MID1: variants seen among roughly 807,000 people sequenced by gnomAD.
The protein encoded by MID1 is E3 ubiquitin-protein ligase Midline-1.
A neutral mutation model predicts 40.4 loss-of-function variants in MID1; 7 were observed. The observed-to-expected ratio is 0.17, with a 90% confidence interval of 0.10 to 0.33. The LOEUF (loss-of-function observed/expected upper bound fraction) is 0.33, where lower values mean the gene tolerates loss of function less well. Ranked by LOEUF, MID1 falls within the 10% of genes least tolerant of loss-of-function variation. The probability of loss-of-function intolerance (pLI) is 1.00; values close to 1 mark genes in which losing one functional copy is unlikely to be tolerated. For missense variants in MID1, 367 were observed against 558.5 expected, an observed-to-expected ratio of 0.66 and a Z score of 3.46; for synonymous variants, 229 against 221.2, an observed-to-expected ratio of 1.04 and a Z score of -0.31.
intron 3 of MID1, chrX:10,501,572 A>G: frequency 8.8e-7 from 1 of 1,132,288 alleles, no homozygotes; most frequent in Non-Finnish European, 1.2e-6. Flanking sequence ...GATGAAAGAG[A>G]TATTACAAAA....
intron 1 of MID1, among the ~76,000 whole-genome samples, chrX:10,738,756 C>T (rs765087931): frequency 1.8e-5 from 2 of 110,555 alleles, no homozygotes; most frequent in East Asian, 5.7e-4. Flanking sequence ...TATTTGTTTA[C>T]CTGAAACACA....
intron 2 of MID1, chrX:10,565,139 C>T (rs1178888742): frequency 3.0e-6 from 1 of 331,123 alleles, no homozygotes; most frequent in East Asian, 9.7e-5. Context: ...GTACTTTTCT[C>T]CTGTGCTGCC....
chrX:10,823,330 G>T (rs990625268), intron 1 of MID1, among the ~76,000 whole-genome samples: 2 of 108,945 alleles, frequency 1.8e-5, no homozygotes, highest in Admixed American at 1.9e-4. Context: ...TTGGGGAGGT[G>T]GGGGGATGGA....
intron 1 of MID1, among the ~76,000 whole-genome samples, chrX:10,659,571 TATC>T (rs1169136383): frequency 8.9e-6 from 1 of 112,127 alleles, no homozygotes; most frequent in Non-Finnish European, 1.9e-5. Context: ...TGTTATCACT[TATC>T]ATTAAAATTA....
intron 7 of MID1, 157 bp downstream of exon 7, chrX:10,469,540 C>A (rs755971177): frequency 1.7e-6 from 2 of 1,194,550 alleles, no homozygotes; most frequent in African/African-American, 3.5e-5. Context: ...TAATGTAGTA[C>A]AAGTGAGTGC....
At chrX:10,804,546 C>A (rs1488895066) in intron 1 of MID1, among the ~76,000 whole-genome samples, 1 of 111,434 alleles carries the variant, frequency 9.0e-6, no homozygotes, top group Non-Finnish European at 1.9e-5. Context: ...CCTAGAAACT[C>A]CTTCTTAAAT....
chrX:10,455,195 G>A (rs1385778238), intron 8 of MID1, 118 bp from the exon 9 acceptor site: 7 of 571,060 alleles, frequency 1.2e-5, no homozygotes, highest in Non-Finnish European at 2.1e-5. Flanking sequence ...AGCCCTCCCT[G>A]AGTCATGCCT....
intron 8 of MID1, among the ~76,000 whole-genome samples, chrX:10,457,934 G>C (rs1490401977): frequency 2.7e-5 from 3 of 112,860 alleles, no homozygotes; most frequent in African/African-American, 9.6e-5. Flanking sequence ...TCAAGGTTGT[G>C]CTGGGGCACC....
chrX:10,803,146 C>G (rs1053434509), intron 1 of MID1, among the ~76,000 whole-genome samples: 1 of 109,735 alleles, frequency 9.1e-6, no homozygotes, highest in South Asian at 4.0e-4. Context: ...ACCCATGCAA[C>G]GAACCTGCAC....
chrX:10,729,473 C>A (rs1304852509), intron 1 of MID1, among the ~76,000 whole-genome samples: 6 of 111,578 alleles, frequency 5.4e-5, no homozygotes, highest in Admixed American at 2.9e-4. Context: ...CTATGACTTT[C>A]TGAAAAGGAA....
chrX:10,755,202 C>T (rs2043625042), intron 1 of MID1, among the ~76,000 whole-genome samples: 1 of 111,655 alleles, frequency 9.0e-6, no homozygotes, highest in Non-Finnish European at 1.9e-5. Context: ...AAATATGTCC[C>T]CTGTTAAGAC....
chrX:10,521,095 G>C (rs1488676564), intron 3 of MID1, among the ~76,000 whole-genome samples: 4 of 92,708 alleles, frequency 4.3e-5, no homozygotes, highest in African/African-American at 1.6e-4. Flanking sequence ...GGCGAAATTA[G>C]GAGCAAGAGA....
chrX:10,540,554 A>G (rs1490111680), intron 2 of MID1, among the ~76,000 whole-genome samples: 3 of 111,753 alleles, frequency 2.7e-5, no homozygotes, highest in African/African-American at 6.5e-5. Flanking sequence ...GTGGAGTCAC[A>G]GATCACAAAG....
At chrX:10,787,688 G>C (rs1432966416) in intron 1 of MID1, among the ~76,000 whole-genome samples, 1 of 102,682 alleles carries the variant, frequency 9.7e-6, no homozygotes, top group Non-Finnish European at 2.0e-5. Flanking sequence ...TGGGATTACA[G>C]GTCTGAGCCA....
chrX:10,696,115 C>A (rs756912530), intron 1 of MID1, among the ~76,000 whole-genome samples: 17 of 111,398 alleles, frequency 1.5e-4, no homozygotes, highest in African/African-American at 5.2e-4. Context: ...TGGTCATCAG[C>A]AGCTTCCTGA....
At chrX:10,680,586 T>C (rs1006462607) in intron 1 of MID1, among the ~76,000 whole-genome samples, 1 of 111,826 alleles carries the variant, frequency 8.9e-6, no homozygotes, top group Middle Eastern at 4.2e-3. Context: ...TAGTGATTGA[T>C]TTTGCCATAG....
In MID1 at chrX:10,523,154, T is replaced by G; in HGVS notation, c.694A>C (p.Lys232Gln). ...AGGGTCTCCAGTTCTGTGTTCCTCT[T>G]AATAAGGTTGGTGAGGTTACTCTCT... The part of the protein sequence containing the change: ...NLESNLTNLI[K>Q]RNTELETLLA... Residue 232 changes from lysine to glutamine, a missense_variant, in exon 3 of 10, where the codon AAG becomes CAG. Physicochemically the swap from Lys to Gln is moderately conservative, Grantham distance 53 (BLOSUM62 1). Around this residue, in one of 3 missense-constraint regions of MID1, gnomAD observed 275 missense variants for 383.1 expected, o/e 0.72. Transcript: ENST00000317552. 1 of 1,193,579 alleles carries G rather than the reference T, an allele frequency of 8.4e-7. No homozygotes were observed. The highest frequency in any genetic ancestry group is 1.1e-6 in the Non-Finnish European group (1 of 886,749).
At chrX:10,776,935 T>A (rs910763689) in intron 1 of MID1, among the ~76,000 whole-genome samples, 8 of 112,235 alleles carry the variant, frequency 7.1e-5, no homozygotes, top group African/African-American at 2.3e-4. Context: ...GCAGCTACTA[T>A]CTGCCATGTA....
intron 1 of MID1, among the ~76,000 whole-genome samples, chrX:10,698,245 A>C (rs1356821437): frequency 2.1e-5 from 2 of 96,465 alleles, no homozygotes; most frequent in African/African-American, 7.1e-5. Context: ...CCTGCCCCCC[A>C]TCCCTGCAAC....
Sources: allele counts gnomAD v4.1 joint callset (sites outside exome capture counted in the v4.1 genomes callset), GRCh38; gene constraint gnomAD v4.1.1; regional missense constraint gnomAD v4.1.1; transcripts MANE v1.5; gene names NCBI Gene and HGNC (gene_info 2026-07-23, HGNC 2026-07-21).